The following CCDC81 variants were observed in gnomAD, a reference collection of about 807,000 sequenced individuals.
CCDC81 encodes the protein coiled-coil domain containing 81.
CCDC81 carries 79 observed loss-of-function variants against 83.7 expected under a neutral mutation model. That is an observed-to-expected ratio of 0.94 (90% confidence interval 0.79 to 1.14). The LOEUF is 1.14. CCDC81 is among the 50% of genes most tolerant of loss of function. The pLI is 0.00. For synonymous variants in CCDC81, 252 were observed against 278.1 expected (o/e 0.91, Z 0.93); for missense variants, 791 against 778.1 (o/e 1.02, Z -0.20).
chr11:86,407,578 T>C (rs1274803745), intron 7 of CCDC81, 36 bp from the exon 8 acceptor site: 1 of 1,359,158 alleles, frequency 7.4e-7, no homozygotes, highest in Non-Finnish European at 1.0e-6. Context: ...GGTCAGATTG[T>C]ATTAAACATT....
At position 86,408,265 on chromosome 11, in the gene CCDC81, C is replaced by T. The variant is rs140420798; in HGVS notation, c.1108C>T (p.His370Tyr). The change falls in exon 9 of 15, where the codon CAC (histidine) becomes TAC (tyrosine). Residue 370 changes from histidine (H) to tyrosine (Y), a missense_variant. By Grantham distance (83) the His-to-Tyr change is moderately conservative (BLOSUM62 2). Coordinates refer to ENST00000445632, the MANE Select transcript of CCDC81 (RefSeq NM_001156474.2). ...AAAGGATCAGGAGGCTCTCTTCAGACACCAGGTAGTCCAACACCTCGATTA... is the reference window on the plus strand; with the variant it reads ...AAAGGATCAGGAGGCTCTCTTCAGATACCAGGTAGTCCAACACCTCGATTA... ...MLKDQEALFR[H>Y]QMKSLATREQ... The T allele has an allele frequency of 2.6e-4, 419 of 1,611,008 alleles. No individual in the cohort carries two copies. The African/African-American group carries it at 4.8e-3, about 18-fold the overall frequency.
At position 86,412,508 on chromosome 11, in the gene CCDC81, GAC is replaced by G. The variant is rs1948658726; in HGVS notation, c.1342_1343del (p.Gln448IlefsTer28). The G allele has an allele frequency of 6.2e-7, 1 of 1,613,742 alleles. No individual in the cohort carries two copies. The highest frequency in any genetic ancestry group is 1.7e-5 in the Admixed American group (1 of 59,934). ...AGACAGGAAAACGAAATAAAGCAAA[GAC>G]AATACAGAGAGTTGATGGACCGCCT... On this transcript the variant is annotated frameshift_variant, in exon 11 of 15. Coordinates refer to ENST00000445632, the MANE Select transcript of CCDC81 (RefSeq NM_001156474.2). LOFTEE classifies it high-confidence loss of function.
intron 10 of CCDC81, among the ~76,000 whole-genome samples, chr11:86,410,657 T>C (rs1358350154): frequency 1.3e-5 from 2 of 152,244 alleles, no homozygotes; most frequent in African/African-American, 4.8e-5. Flanking sequence ...TTATTACTGC[T>C]GTGTATCTCT....
intron 7 of CCDC81, among the ~76,000 whole-genome samples, chr11:86,406,581 C>T (rs55734103): frequency 0.24 from 36,080 of 151,970 alleles, 5,449 homozygotes; most frequent in Non-Finnish European, 0.34. Flanking sequence ...CCGAGGTGGG[C>T]AGACCACTAG....
intron 14 of CCDC81, 51 bp downstream of exon 14, chr11:86,420,104 AC>A (rs1239507197): frequency 6.3e-7 from 1 of 1,590,206 alleles, no homozygotes; most frequent in Admixed American, 1.8e-5. Context: ...TGGGACAGCA[AC>A]AGGTTTCAAG....
chr11:86,404,055 C>T (rs1033522057), intron 7 of CCDC81, among the ~76,000 whole-genome samples: 1 of 152,098 alleles, frequency 6.6e-6, no homozygotes, highest in Non-Finnish European at 1.5e-5. Flanking sequence ...AAAATTTTCA[C>T]TCCGAGTTAG....
At chr11:86,419,734 G>A in intron 13 of CCDC81, 194 bp from the exon 14 acceptor site, 1 of 441,642 alleles carries the variant, frequency 2.3e-6, no homozygotes, top group Non-Finnish European at 3.8e-6. Flanking sequence ...GAAGATAAAA[G>A]ACCTTTGATC....
intron 13 of CCDC81, among the ~76,000 whole-genome samples, chr11:86,418,087 A>G (rs1948745376): frequency 6.6e-6 from 1 of 152,244 alleles, no homozygotes; most frequent in African/African-American, 2.4e-5. Context: ...TTAAAAAAAT[A>G]ACATAATAAT....
intron 1 of CCDC81, among the ~76,000 whole-genome samples, chr11:86,384,115 G>A (rs1948209012): frequency 6.6e-6 from 1 of 152,170 alleles, no homozygotes; most frequent in South Asian, 2.1e-4. Context: ...CGAGCTTTTA[G>A]AGGTGAAAGA....
chr11:86,422,019 A>C (rs1172689908), intron 14 of CCDC81, among the ~76,000 whole-genome samples: 1 of 151,976 alleles, frequency 6.6e-6, no homozygotes, highest in Non-Finnish European at 1.5e-5. Context: ...AAAGTCAGTT[A>C]CTACTGCCTC....
Position 86,392,540 on chromosome 11 carries a change from G to C in CCDC81, c.299-1G>C, listed in dbSNP as rs1274361425. 8 of 1,550,382 alleles carry C rather than the reference G, an allele frequency of 5.2e-6. No individual in the cohort carries two copies. The highest frequency in any genetic ancestry group is 6.1e-6 in the Non-Finnish European group (7 of 1,146,168). ...CACCCCAACTGTCTTTTCTCCTTTAGGTGAAATCCCAATTGTTCCACTTAA... is the reference window on the plus strand; with the variant it reads ...CACCCCAACTGTCTTTTCTCCTTTACGTGAAATCCCAATTGTTCCACTTAA... On this transcript the variant is annotated splice_acceptor_variant, in intron 3 of 14. Coordinates refer to ENST00000445632, the MANE Select transcript of CCDC81 (RefSeq NM_001156474.2). LOFTEE classifies it high-confidence loss of function.
rs1422670669 is a variant in CCDC81 at position 86,392,621 on chromosome 11, G to T, written c.379G>T (p.Val127Leu). The T allele has an allele frequency of 1.3e-6, 2 of 1,551,694 alleles. No homozygotes were observed. Among genetic ancestry groups the T allele is most frequent in the Admixed American group, 3.9e-5 (2 of 51,008 alleles). ...PFNRDVVEGCVKETLLFLSRS... is the reference protein window; with the variant it reads ...PFNRDVVEGCLKETLLFLSRS... ...TAACAGAGATGTAGTGGAAGGATGT[G>T]TGAAGGAGACGTTGCTTTTTTTATC... Residue 127 changes from valine to leucine, a missense_variant, in exon 4 of 15, where the codon GTG (valine) becomes TTG (leucine). Physicochemically the swap from Val to Leu is conservative, Grantham distance 32. Coordinates refer to ENST00000445632, the MANE Select transcript of CCDC81 (RefSeq NM_001156474.2).
chr11:86,392,161 A>C (rs922985585), intron 3 of CCDC81, among the ~76,000 whole-genome samples: 2 of 152,232 alleles, frequency 1.3e-5, no homozygotes, highest in Admixed American at 1.3e-4. Flanking sequence ...AAACCATATC[A>C]GCAAATATTG....
chr11:86,391,118 T>C (rs761263921), intron 3 of CCDC81, among the ~76,000 whole-genome samples: 3 of 152,196 alleles, frequency 2.0e-5, no homozygotes, highest in African/African-American at 4.8e-5. Context: ...CTAACTCAGA[T>C]AAGTGATCTG....
Position 86,386,031 on chromosome 11 carries a change from T to TG in CCDC81, c.80-18dup. 1 of 1,412,322 alleles carries TG rather than the reference T, an allele frequency of 7.1e-7. No homozygotes were observed. The allele number at this position is 1,412,322 out of a possible 1,614,324, so 87.5% of individuals were successfully genotyped here. A position where few individuals can be genotyped will look rare whatever the true frequency, so the allele number is the denominator to read the frequency against. On this transcript the variant is annotated intron_variant, in intron 1 of 14. Coordinates refer to ENST00000445632, the MANE Select transcript of CCDC81 (RefSeq NM_001156474.2). ...GTGCGCATATAAATTGAATAATTTC[T>TG]GGTTACTTTTGAATTTCAGAAGTCT...
At chr11:86,407,278 G>A (rs1344983280) in intron 7 of CCDC81, among the ~76,000 whole-genome samples, 1 of 152,174 alleles carries the variant, frequency 6.6e-6, no homozygotes, top group Non-Finnish European at 1.5e-5. Flanking sequence ...TGCTTCTCCT[G>A]TGCTTAGAAC....
In CCDC81 at chr11:86,407,707, G is replaced by A. The variant is rs899847985; in HGVS notation, c.969+6G>A. 1.9e-6 allele frequency: 3 copies of A among 1,606,852 alleles called. No individual in the cohort carries two copies. Among genetic ancestry groups the A allele is most frequent in the African/African-American group, 2.7e-5 (2 of 74,708 alleles). ...ATCATAACAAGGCAGGACAGGTACA[G>A]TGTTTCCAAACAAATAAGTCCCATC... On this transcript the variant is annotated splice_donor_region_variant and intron_variant, in intron 8 of 14. Coordinates refer to ENST00000445632, the MANE Select transcript of CCDC81 (RefSeq NM_001156474.2).
At chr11:86,412,349 T>G (rs1191720391) in intron 10 of CCDC81, 38 bp from the exon 11 acceptor site, 1 of 1,448,356 alleles carries the variant, frequency 6.9e-7, no homozygotes, top group South Asian at 1.3e-5. Context: ...TGTTTTTCAG[T>G]ACTCTAGCAT....
chr11:86,414,617 T>G, intron 11 of CCDC81, 172 bp from the exon 12 acceptor site: 4 of 582,260 alleles, frequency 6.9e-6, no homozygotes, highest in Non-Finnish European at 1.2e-5. Context: ...GCCTATGGAT[T>G]TGAATTACTC....
Sources: allele counts gnomAD v4.1 joint callset (sites outside exome capture counted in the v4.1 genomes callset), GRCh38; gene constraint gnomAD v4.1.1; transcripts MANE v1.5; gene names NCBI Gene and HGNC (gene_info 2026-07-23, HGNC 2026-07-21).